The following CBFB variants were observed in gnomAD, a reference collection of about 807,000 sequenced individuals.
The protein encoded by CBFB is core-binding factor subunit beta, also known as CBF-beta.
In CBFB, 9 loss-of-function variants were observed where a neutral mutation model predicts 30.4. The ratio of observed to expected loss-of-function variants is 0.30; its 90% CI spans 0.18 to 0.52. The LOEUF (loss-of-function observed/expected upper bound fraction) is 0.52, where lower values mean the gene tolerates loss of function less well. CBFB is among the 20% of genes least tolerant of loss of function. The probability of loss-of-function intolerance (pLI) is 0.97; values close to 1 mark genes in which losing one functional copy is unlikely to be tolerated. For missense variants in CBFB, 170 were observed against 244.0 expected, an observed-to-expected ratio of 0.70 and a Z score of 2.02; for synonymous variants, 94 against 84.0, an observed-to-expected ratio of 1.12 and a Z score of -0.65.
At chr16:67,073,074 T>G (rs529522246) in intron 4 of CBFB, among the ~76,000 whole-genome samples, 1 of 152,270 alleles carries the variant, frequency 6.6e-6, no homozygotes, top group South Asian at 2.1e-4. Context: ...ATATTATAAT[T>G]AGTAAATTTG....
At chr16:67,047,147 TAAA>T (rs765428177) in intron 3 of CBFB, among the ~76,000 whole-genome samples, 1 of 134,918 alleles carries the variant, frequency 7.4e-6, no homozygotes. Context: ...CCGTCTCTAC[TAAA>T]AAAAAAAAAA....
chr16:67,034,356 A>T (rs1232363544), intron 2 of CBFB, among the ~76,000 whole-genome samples: 2 of 152,208 alleles, frequency 1.3e-5, no homozygotes, highest in African/African-American at 4.8e-5. Flanking sequence ...CAACCTGGAA[A>T]TCTTAAATAT....
chr16:67,048,899 C>T (rs1356156098), intron 3 of CBFB, among the ~76,000 whole-genome samples: 1 of 147,396 alleles, frequency 6.8e-6, no homozygotes, highest in Non-Finnish European at 1.5e-5. Context: ...CAGCTCACCA[C>T]GACCTCCACC....
chr16:67,050,194 AAT>A lies in CBFB; in HGVS notation c.282+13444_282+13445del, dbSNP rs1042694362. Among the ~76,000 whole-genome samples the A allele has an allele frequency of 3.6e-4, 54 of 148,034 alleles. 1 individual carries two copies. The highest frequency in any genetic ancestry group is 7.2e-3 in the Middle Eastern group (2 of 278). On this transcript the variant is annotated intron_variant, in intron 3 of 5. Transcript: ENST00000412916. ...TATATAAATTATATGTGATATATATAATATATGTTATATATATAATTTATATA... is the reference window on the plus strand; with the variant it reads ...TATATAAATTATATGTGATATATATAATATGTTATATATATAATTTATATA...
rs531768289 is a variant in CBFB, at chr16:67,073,923, G to A, written c.399+7125G>A. Among the ~76,000 whole-genome samples the A allele has an allele frequency of 5.3e-5, 8 of 151,848 alleles. No individual in the cohort carries two copies. In the South Asian group the frequency reaches 1.5e-3, roughly 28 times the overall value. On this transcript the variant is annotated intron_variant, in intron 4 of 5. Transcript: ENST00000412916. ...GGTGGAGGGCACCTGTAGTTACTTG[G>A]GAAGCTGAGGCAGGAGAATGGCATG...
intron 5 of CBFB, among the ~76,000 whole-genome samples, chr16:67,092,193 G>C (rs1312286506): frequency 1.2e-4 from 19 of 152,014 alleles, no homozygotes; most frequent in Non-Finnish European, 4.4e-5. Context: ...TTGGTTTTCT[G>C]TTGCTGTGTT....
At chr16:67,089,704 A>G (rs998882902) in intron 5 of CBFB, among the ~76,000 whole-genome samples, 6 of 152,172 alleles carry the variant, frequency 3.9e-5, no homozygotes, top group African/African-American at 1.4e-4. Context: ...TACGGAACCC[A>G]GTGGGTGGCA....
chr16:67,099,960 G>A lies in CBFB; in HGVS notation c.*1182G>A, dbSNP rs970631646. Reference sequence around the variant, plus strand: ...TTCTTCCATTAATTCTGGAAAAAACGTTCACAGTTATATATATGGTATTTT... The same window carrying A: ...TTCTTCCATTAATTCTGGAAAAAACATTCACAGTTATATATATGGTATTTT... On this transcript the variant is annotated 3_prime_UTR_variant, in exon 6 of 6. Transcript: ENST00000412916. 1.9e-5 allele frequency: 4 copies of A among 207,282 alleles called. No individual in the cohort carries two copies. Among genetic ancestry groups the A allele is most frequent in the African/African-American group, 4.6e-5 (2 of 43,786 alleles). The allele number at this position is 207,282 out of a possible 1,614,324, so 12.8% of individuals were successfully genotyped here. A position where few individuals can be genotyped will look rare whatever the true frequency, so the allele number is the denominator to read the frequency against.
chr16:67,057,593 G>C (rs1960767835), intron 3 of CBFB, among the ~76,000 whole-genome samples: 1 of 152,002 alleles, frequency 6.6e-6, no homozygotes, highest in Non-Finnish European at 1.5e-5. Context: ...ACATGTTATT[G>C]AAATGTTTTT....
chr16:67,031,593 C>G (rs548409051), intron 2 of CBFB, among the ~76,000 whole-genome samples: 2 of 152,340 alleles, frequency 1.3e-5, no homozygotes, highest in African/African-American at 4.8e-5. Context: ...TCGCTGCAAC[C>G]TTCGCCTCCT....
intron 3 of CBFB, among the ~76,000 whole-genome samples, chr16:67,047,245 A>C (rs1334804106): frequency 6.6e-6 from 1 of 152,076 alleles, no homozygotes; most frequent in Non-Finnish European, 1.5e-5. Flanking sequence ...AATAAATACC[A>C]TTTGAAATGT....
intron 4 of CBFB, among the ~76,000 whole-genome samples, chr16:67,071,445 G>T (rs1961219738): frequency 6.6e-6 from 1 of 152,142 alleles, no homozygotes; most frequent in Non-Finnish European, 1.5e-5. Context: ...GCCGTATGAG[G>T]ACACAGTGAG....
intron 3 of CBFB, among the ~76,000 whole-genome samples, chr16:67,040,533 G>A (rs1036362323): frequency 1.3e-5 from 2 of 152,178 alleles, no homozygotes; most frequent in Non-Finnish European, 1.5e-5. Context: ...AACTGAAATA[G>A]TGTATGTAAA....
chr16:67,034,177 A>C (rs1426496759), intron 2 of CBFB, among the ~76,000 whole-genome samples: 1 of 152,186 alleles, frequency 6.6e-6, no homozygotes, highest in African/African-American at 2.4e-5. Flanking sequence ...CGTCTTCAAC[A>C]CTAATAATCA....
intron 3 of CBFB, among the ~76,000 whole-genome samples, chr16:67,048,445 CT>C (rs753305836): frequency 6.2e-4 from 94 of 152,214 alleles, no homozygotes; most frequent in Non-Finnish European, 1.0e-3. Flanking sequence ...ACTATACTCA[CT>C]TTTTTAAAAG....
At chr16:67,066,403 A>AAAAAAAAAAT (rs1360567556) in intron 3 of CBFB, among the ~76,000 whole-genome samples, 16 of 149,570 alleles carry the variant, frequency 1.1e-4, no homozygotes, top group African/African-American at 3.5e-4. Context: ...CAAAAAAAAA[A>AAAAAAAAAAT]AAAAAAATTA....
chr16:67,085,460 G>A (rs961887936), intron 5 of CBFB, among the ~76,000 whole-genome samples: 3 of 127,874 alleles, frequency 2.3e-5, no homozygotes, highest in African/African-American at 3.0e-5. Context: ...GTGAGCCACC[G>A]TGCCCAGACT....
intron 3 of CBFB, among the ~76,000 whole-genome samples, chr16:67,049,706 C>T (rs1374777659): frequency 6.6e-6 from 1 of 151,890 alleles, no homozygotes; most frequent in East Asian, 1.9e-4. Flanking sequence ...AGGGTGGTCT[C>T]GAACTCCTGG....
chr16:67,082,143 A>T, intron 4 of CBFB, 70 bp from the exon 5 acceptor site: 2 of 1,327,962 alleles, frequency 1.5e-6, no homozygotes, highest in African/African-American at 1.5e-5. Context: ...AAAAAAAAAA[A>T]AACAAAACCC....
Sources: allele counts gnomAD v4.1 joint callset (sites outside exome capture counted in the v4.1 genomes callset), GRCh38; gene constraint gnomAD v4.1.1; transcripts MANE v1.5; gene names NCBI Gene and HGNC (gene_info 2026-07-23, HGNC 2026-07-21).